POR: variants seen among roughly 807,000 people sequenced by gnomAD.
The protein encoded by POR is NADPH--cytochrome P450 reductase.
A neutral mutation model predicts 84.0 loss-of-function variants in POR; 56 were observed. The observed-to-expected ratio is 0.67, with a 90% CI of 0.54 to 0.83. The LOEUF (loss-of-function observed/expected upper bound fraction) is 0.83. POR is among the 40% of genes least tolerant of loss of function. The pLI, the probability that POR is intolerant of heterozygous loss-of-function variation, is 0.00. For synonymous variants in POR, 414 were observed against 400.5 expected (o/e 1.03, Z -0.40); for missense variants, 938 against 944.3 (o/e 0.99, Z 0.09).
At chr7:75,918,417 G>C (rs1475230687) in intron 1 of POR, among the ~76,000 whole-genome samples, 1 of 152,160 alleles carries the variant, frequency 6.6e-6, no homozygotes, top group Non-Finnish European at 1.5e-5. Context: ...TGAGTCAGAG[G>C]TCACTTACCT....
At chr7:75,937,308 C>CA (rs1219958623) in intron 1 of POR, among the ~76,000 whole-genome samples, 2 of 134,344 alleles carry the variant, frequency 1.5e-5, no homozygotes, top group African/African-American at 2.9e-5. Flanking sequence ...AAAAAAAAAA[C>CA]AAAAAAACCA....
In POR at chr7:75,942,178, G is replaced by A. The variant is rs143709536; in HGVS notation, c.-4-11811G>A. On this transcript the variant is annotated intron_variant, in intron 1 of 15. Coordinates refer to ENST00000461988, the MANE Select transcript of POR (RefSeq NM_000941.3). ...GAAGGCTGAGGCTGGAGTGAGCTGCGATTGTGCCACTGCACTGCAGTCTGG... is the reference window on the plus strand; with the variant it reads ...GAAGGCTGAGGCTGGAGTGAGCTGCAATTGTGCCACTGCACTGCAGTCTGG... 1.8e-3 allele frequency among the ~76,000 whole-genome samples: 273 copies of A among 152,320 alleles called. 13 individuals are homozygous for A. In the South Asian group the frequency reaches 0.05, roughly 28 times the overall value.
At chr7:75,980,150 CTGCCCACCTGGCACAAA>C in intron 4 of POR, among the ~76,000 whole-genome samples, 172 bp from the exon 5 acceptor site, 1 of 152,206 alleles carries the variant, frequency 6.6e-6, no homozygotes. Flanking sequence ...TGACCTTGTC[CTGCCCACCTGGCACAAA>C]TGCCCATGCC....
At chr7:75,932,579 AT>A (rs149508006) in intron 1 of POR, among the ~76,000 whole-genome samples, 21 of 151,608 alleles carry the variant, frequency 1.4e-4, no homozygotes, top group Middle Eastern at 3.4e-3. Flanking sequence ...AACAGTTTTA[AT>A]TTTTTTTTCT....
chr7:75,950,673 T>C (rs1438507255), intron 1 of POR, among the ~76,000 whole-genome samples: 5 of 152,236 alleles, frequency 3.3e-5, no homozygotes, highest in Admixed American at 1.3e-4. Context: ...GATCCTGATA[T>C]GACTAGCATT....
At chr7:75,980,274 G>T in intron 4 of POR, 65 bp from the exon 5 acceptor site, 2 of 1,562,464 alleles carry the variant, frequency 1.3e-6, no homozygotes, top group Non-Finnish European at 1.7e-6. Context: ...TCCCCATCTG[G>T]TGCGGGTTGA....
At chr7:75,980,737 G>A in intron 5 of POR, 1 of 1,492,250 alleles carries the variant, frequency 6.7e-7, no homozygotes, top group Non-Finnish European at 8.9e-7. Context: ...GAAAGGTCTG[G>A]CTGGACGACT....
At chr7:75,943,938 G>A in intron 1 of POR, 2 of 449,372 alleles carry the variant, frequency 4.5e-6, no homozygotes, top group East Asian at 6.1e-5. Context: ...TTTGCAAAAG[G>A]GAGAATTATC....
chr7:75,943,528 G>A (rs1787042563), intron 1 of POR, among the ~76,000 whole-genome samples: 1 of 152,098 alleles, frequency 6.6e-6, no homozygotes, highest in Non-Finnish European at 1.5e-5. Context: ...CAAATTTTTT[G>A]CATAATATCT....
rs1343475657 is a variant in POR at position 75,959,833 on chromosome 7, GTTGA to G, written c.188+5654_188+5657del. On this transcript the variant is annotated intron_variant, in intron 2 of 15. Transcript: ENST00000461988. ...GAATCTGTATATTAATATGGGAAGA[GTTGA>G]CATCCTACAATATTGAGCTTTCTAT... Among the ~76,000 whole-genome samples, 7 of 152,314 alleles carry G rather than the reference GTTGA, an allele frequency of 4.6e-5. No homozygotes were observed. In the East Asian group the frequency reaches 1.4e-3, roughly 29 times the overall value.
chr7:75,977,360 C>G (rs555285299), intron 3 of POR, among the ~76,000 whole-genome samples: 1 of 152,288 alleles, frequency 6.6e-6, no homozygotes, highest in African/African-American at 2.4e-5. Context: ...CTGTTGAGTT[C>G]AGGACACACC....
intron 1 of POR, among the ~76,000 whole-genome samples, chr7:75,933,211 A>G (rs757479515): frequency 6.6e-6 from 1 of 152,012 alleles, no homozygotes; most frequent in Non-Finnish European, 1.5e-5. Flanking sequence ...AGTGTATGGC[A>G]TATTGTTTTG....
intron 3 of POR, among the ~76,000 whole-genome samples, chr7:75,978,752 G>A (rs1278745889): frequency 2.6e-5 from 4 of 151,514 alleles, no homozygotes; most frequent in African/African-American, 4.9e-5. Context: ...TTGAACTCTC[G>A]ACCTCAAGTC....
intron 2 of POR, chr7:75,971,012 A>G (rs1554556057): frequency 2.7e-5 from 1 of 37,578 alleles, no homozygotes. Context: ...CCCAGGCTGG[A>G]GTACAGTGGC....
intron 2 of POR, among the ~76,000 whole-genome samples, chr7:75,958,730 A>G (rs372653638): frequency 6.6e-6 from 1 of 152,072 alleles, no homozygotes; most frequent in East Asian, 1.9e-4. Context: ...CTGTAATCCC[A>G]GTGCTTAGGG....
chr7:75,984,809 C>A lies in POR; in HGVS notation c.1099C>A (p.Pro367Thr). Residue 367 changes from proline (P) to threonine (T), a missense_variant, in exon 11 of 16, where the codon CCT becomes ACT. By Grantham distance (38) the Pro-to-Thr change is conservative (BLOSUM62 -1). Coordinates refer to ENST00000461988, the MANE Select transcript of POR (RefSeq NM_000941.3). ...CAACAAGAAGCACCCATTCCCGTGC[C>A]CTACGTCCTACCGCACGGCCCTCAC... 6.2e-7 allele frequency: 1 copy of A among 1,612,626 alleles called. No homozygotes were observed.
intron 2 of POR, among the ~76,000 whole-genome samples, chr7:75,968,731 A>G (rs1172955644): frequency 6.6e-6 from 1 of 152,104 alleles, no homozygotes; most frequent in Non-Finnish European, 1.5e-5. Flanking sequence ...TGGACCACTC[A>G]CACTTCCTGG....
At chr7:75,933,372 C>CTT (rs1554550379) in intron 1 of POR, among the ~76,000 whole-genome samples, 6 of 79,608 alleles carry the variant, frequency 7.5e-5, no homozygotes, top group Middle Eastern at 8.8e-3. Context: ...TACAATAGGT[C>CTT]TTTGTTTTTT....
chr7:75,935,554 C>T (rs782183317), intron 1 of POR, among the ~76,000 whole-genome samples: 2 of 150,608 alleles, frequency 1.3e-5, no homozygotes, highest in Non-Finnish European at 3.0e-5. Context: ...CTGGAGGGAC[C>T]GGTTTTTTAA....
Sources: allele counts gnomAD v4.1 joint callset (sites outside exome capture counted in the v4.1 genomes callset), GRCh38; gene constraint gnomAD v4.1.1; transcripts MANE v1.5; gene names NCBI Gene and HGNC (gene_info 2026-07-23, HGNC 2026-07-21).